The following SPAG6 variants were observed in gnomAD, a reference collection of about 807,000 sequenced individuals.
SPAG6 encodes the protein sperm-associated antigen 6.
In SPAG6, 49 loss-of-function variants were observed where a neutral mutation model predicts 58.5. That is an observed-to-expected ratio of 0.84 (90% CI 0.67 to 1.06). SPAG6 has a LOEUF of 1.06. Among genes scored for constraint, SPAG6 ranks in the 50% least tolerant of loss-of-function variants. The pLI, the probability that SPAG6 is intolerant of heterozygous loss-of-function variation, is 0.00. For synonymous variants in SPAG6, 233 were observed against 225.6 expected, an observed-to-expected ratio of 1.03 and a Z score of -0.29; for missense variants, 560 against 611.3, an observed-to-expected ratio of 0.92 and a Z score of 0.89.
At position 22,416,602 on chromosome 10, in the gene SPAG6, T is replaced by C. The variant is rs560728145; in HGVS notation, c.1461-17T>C. On this transcript the variant is annotated splice_polypyrimidine_tract_variant and intron_variant, in intron 10 of 10. Transcript: ENST00000376624. The stretch of plus-strand genomic sequence containing the variant: ...TGATCGTTTCACCAGCATTTAATAG[T>C]GTATTTTCTTTTTCAGGTATTATTC... 6.6e-7 allele frequency: 1 copy of C among 1,521,954 alleles called. No individual in the cohort carries two copies. Among genetic ancestry groups the C allele is most frequent in the African/African-American group, 1.4e-5 (1 of 73,070 alleles). 94.3% of individuals were successfully genotyped at this position (1,521,954 alleles called of 1,614,324 possible).
At chr10:22,410,395 T>A (rs1163381372) in intron 9 of SPAG6, among the ~76,000 whole-genome samples, 5 of 152,102 alleles carry the variant, frequency 3.3e-5, no homozygotes, top group Non-Finnish European at 7.4e-5. Flanking sequence ...AGCACGTGGA[T>A]GGTGGTTTGA....
chr10:22,371,292 C>T (rs1338682356), intron 4 of SPAG6, among the ~76,000 whole-genome samples: 2 of 152,026 alleles, frequency 1.3e-5, no homozygotes, highest in Middle Eastern at 3.2e-3. Context: ...CTTGCTCTGT[C>T]GCCCAGGCTG....
rs748201259 is a variant in SPAG6, at chr10:22,386,758, G to C, written c.477G>C (p.Leu159=). The part of the protein sequence containing the change: ...LRYIARHNAE[L]SQAVVDAGAV... ...TTACTTTTCTTGGACCCACAGAACT[G>C]TCACAAGCTGTGGTGGATGCAGGAG... The change falls in exon 5 of 11, where the codon CTG becomes CTC. Residue 159 remains leucine, a synonymous_variant. Coordinates refer to ENST00000376624, the MANE Select transcript of SPAG6 (RefSeq NM_012443.4). 1 of 1,612,978 alleles carries C rather than the reference G, an allele frequency of 6.2e-7. No individual in the cohort carries two copies.
At chr10:22,352,803 C>A (rs968520904) in intron 2 of SPAG6, among the ~76,000 whole-genome samples, 1 of 152,108 alleles carries the variant, frequency 6.6e-6, no homozygotes, top group African/African-American at 2.4e-5. Flanking sequence ...GCCACCGCAC[C>A]CAGCAACAAA....
intron 4 of SPAG6, among the ~76,000 whole-genome samples, chr10:22,385,902 C>T (rs1834053576): frequency 6.6e-6 from 1 of 152,070 alleles, no homozygotes; most frequent in Non-Finnish European, 1.5e-5. Flanking sequence ...GTAAGAGGGG[C>T]CGTGAATACA....
At chr10:22,355,842 A>T (rs1027672005) in intron 2 of SPAG6, among the ~76,000 whole-genome samples, 1 of 152,352 alleles carries the variant, frequency 6.6e-6, no homozygotes, top group African/African-American at 2.4e-5. Flanking sequence ...AAAAAAAGGC[A>T]GGGGAGGAAC....
At chr10:22,354,199 C>G (rs148729208) in intron 2 of SPAG6, among the ~76,000 whole-genome samples, 71 of 152,270 alleles carry the variant, frequency 4.7e-4, no homozygotes, top group African/African-American at 1.7e-3. Flanking sequence ...AAATCAGGAT[C>G]AGGAGACTGG....
intron 9 of SPAG6, among the ~76,000 whole-genome samples, chr10:22,408,737 C>T (rs1049215876): frequency 2.0e-5 from 3 of 152,222 alleles, no homozygotes; most frequent in Admixed American, 6.5e-5. Flanking sequence ...CCCCCAGCCT[C>T]GCTGCCGCCT....
In SPAG6 at chr10:22,406,007, G is replaced by A. The variant is rs559107468; in HGVS notation, c.1314+4730G>A. Among the ~76,000 whole-genome samples the A allele has an allele frequency of 2.3e-3, 353 of 152,030 alleles. 1 individual carries two copies. The highest frequency in any genetic ancestry group is 7.7e-3 in the African/African-American group (321 of 41,460). Reference sequence around the variant, plus strand: ...TATCCCCTTTATCATTTTTTATTGCGTCTATCTGATTCTTCTCTCTTTTTT... The same window carrying A: ...TATCCCCTTTATCATTTTTTATTGCATCTATCTGATTCTTCTCTCTTTTTT... On this transcript the variant is annotated intron_variant, in intron 9 of 10. Coordinates refer to ENST00000376624, the MANE Select transcript of SPAG6 (RefSeq NM_012443.4).
At chr10:22,376,444 A>T (rs867994813) in intron 4 of SPAG6, among the ~76,000 whole-genome samples, 1 of 152,216 alleles carries the variant, frequency 6.6e-6, no homozygotes, top group Non-Finnish European at 1.5e-5. Context: ...AAATTACATT[A>T]TGTAGATAAT....
rs1336005247 is a variant in SPAG6, at chr10:22,401,256, T to C, written c.1293T>C (p.His431=). ...LYDAPPNILK[H]VVGQFSKVLP... ...ATGCTCCTCCCAATATTCTGAAACATGTGGTTGGACAGTTCAGTAAGGTAA... is the reference window on the plus strand; with the variant it reads ...ATGCTCCTCCCAATATTCTGAAACACGTGGTTGGACAGTTCAGTAAGGTAA... Residue 431 remains histidine (H), a synonymous_variant, in exon 9 of 11, where the codon CAT becomes CAC. Coordinates refer to ENST00000376624, the MANE Select transcript of SPAG6 (RefSeq NM_012443.4). 1.3e-6 allele frequency: 2 copies of C among 1,572,906 alleles called. No individual in the cohort carries two copies. The highest frequency in any genetic ancestry group is 1.7e-5 in the Admixed American group (1 of 59,876).
intron 4 of SPAG6, among the ~76,000 whole-genome samples, chr10:22,372,716 T>C (rs1243447679): frequency 2.0e-5 from 3 of 152,072 alleles, no homozygotes; most frequent in South Asian, 4.1e-4. Context: ...TCTTCCACAT[T>C]TGGGCTCAAA....
intron 8 of SPAG6, among the ~76,000 whole-genome samples, chr10:22,400,108 A>G (rs1490641060): frequency 1.3e-5 from 2 of 152,170 alleles, no homozygotes; most frequent in Non-Finnish European, 2.9e-5. Flanking sequence ...GAATAGATTT[A>G]CCAATTATAA....
chr10:22,396,106 A>G (rs1010642724), intron 8 of SPAG6, among the ~76,000 whole-genome samples: 2 of 152,122 alleles, frequency 1.3e-5, no homozygotes, highest in Admixed American at 6.5e-5. Context: ...AGAGCAGGAG[A>G]GAGGGAGCGA....
At position 22,364,099 on chromosome 10, in the gene SPAG6, T is replaced by C. The variant is rs550160999; in HGVS notation, c.122-754T>C. On this transcript the variant is annotated intron_variant, in intron 2 of 10. Coordinates refer to ENST00000376624, the MANE Select transcript of SPAG6 (RefSeq NM_012443.4). The stretch of plus-strand genomic sequence containing the variant: ...TCCTCAGTTTTCAATATGTATTTTT[T>C]AACAATTATCAATGAAAAATGTATA... Among the ~76,000 whole-genome samples, 5 of 152,340 alleles carry C rather than the reference T, an allele frequency of 3.3e-5. No individual in the cohort carries two copies. The South Asian group carries it at 1.0e-3, about 32-fold the overall frequency.
chr10:22,405,762 G>C (rs534403056), intron 9 of SPAG6, among the ~76,000 whole-genome samples: 1 of 152,236 alleles, frequency 6.6e-6, no homozygotes, highest in Admixed American at 6.5e-5. Flanking sequence ...GAATCCATCT[G>C]GTCTTGGACT....
At chr10:22,401,671 T>G (rs1834417520) in intron 9 of SPAG6, among the ~76,000 whole-genome samples, 1 of 152,242 alleles carries the variant, frequency 6.6e-6, no homozygotes, top group Admixed American at 6.5e-5. Flanking sequence ...ATGAAGTCCA[T>G]GTACTTTACT....
chr10:22,393,997 A>G (rs1834238342), intron 8 of SPAG6, among the ~76,000 whole-genome samples: 1 of 152,198 alleles, frequency 6.6e-6, no homozygotes, highest in Non-Finnish European at 1.5e-5. Flanking sequence ...GTTTCCATGC[A>G]GGAGAACGAA....
At chr10:22,377,356 T>A (rs1241753941) in intron 4 of SPAG6, among the ~76,000 whole-genome samples, 1 of 152,194 alleles carries the variant, frequency 6.6e-6, no homozygotes, top group Non-Finnish European at 1.5e-5. Context: ...GCTCCTGAGT[T>A]CTTGACCCGC....
Sources: allele counts gnomAD v4.1 joint callset (sites outside exome capture counted in the v4.1 genomes callset), GRCh38; gene constraint gnomAD v4.1.1; transcripts MANE v1.5; gene names NCBI Gene and HGNC (gene_info 2026-07-23, HGNC 2026-07-21).